The following TCF12 variants were observed in gnomAD, a reference collection of about 807,000 sequenced individuals.
TCF12 encodes transcription factor 12.
TCF12 carries 45 observed loss-of-function variants against 86.0 expected under a neutral mutation model. The ratio of observed to expected loss-of-function variants is 0.52; its 90% CI spans 0.41 to 0.67. The LOEUF (loss-of-function observed/expected upper bound fraction) is 0.67, where lower values mean the gene tolerates loss of function less well. Ranked by LOEUF, TCF12 falls within the 30% of genes least tolerant of loss-of-function variation. The probability of loss-of-function intolerance (pLI) is 0.00; values close to 1 mark genes in which losing one functional copy is unlikely to be tolerated. For synonymous variants in TCF12, 330 were observed against 299.6 expected (o/e 1.10, Z -1.05); for missense variants, 881 against 859.9 (o/e 1.02, Z -0.31).
chr15:57,170,881 A>G (rs1459764479), intron 6 of TCF12, among the ~76,000 whole-genome samples: 2 of 134,670 alleles, frequency 1.5e-5, no homozygotes, highest in African/African-American at 3.0e-5. Flanking sequence ...GGCTCAAGCA[A>G]TTTTCCTGCC....
Position 57,192,267 on chromosome 15 carries a change from G to C in TCF12, c.500G>C (p.Arg167Thr), listed in dbSNP as rs1451972234. The C allele has an allele frequency of 6.2e-7, 1 of 1,613,990 alleles. No individual in the cohort carries two copies. Among genetic ancestry groups the C allele is most frequent in the South Asian group, 1.1e-5 (1 of 91,074 alleles). Reference sequence around the variant, plus strand: ...TTCTCTGCTACAAGTTCCAGGAGGAGACCACTCCATGACTCTGCAGCGCTT... The same window carrying C: ...TTCTCTGCTACAAGTTCCAGGAGGACACCACTCCATGACTCTGCAGCGCTT... ...YSFSATSSRR[R>T]PLHDSAALDP... is the part of the protein sequence containing the mutation. The change falls in exon 7 of 21, where the codon AGA becomes ACA. Residue 167 changes from arginine to threonine, a missense_variant. Physicochemically the swap from Arg to Thr is moderately conservative, Grantham distance 71 (BLOSUM62 -1). Transcript: ENST00000333725.
chr15:57,236,909 A>G (rs1250495519), intron 12 of TCF12, among the ~76,000 whole-genome samples: 1 of 152,070 alleles, frequency 6.6e-6, no homozygotes. Flanking sequence ...GCCATTTCTA[A>G]TGTGTTTCCC....
At chr15:57,111,242 C>G (rs1206299002) in intron 5 of TCF12, among the ~76,000 whole-genome samples, 1 of 152,000 alleles carries the variant, frequency 6.6e-6, no homozygotes, top group Non-Finnish European at 1.5e-5. Flanking sequence ...ATGGAGTGTC[C>G]AGATCCCAGT....
intron 5 of TCF12, among the ~76,000 whole-genome samples, chr15:57,140,704 T>A (rs1489731479): frequency 6.6e-6 from 1 of 152,216 alleles, no homozygotes; most frequent in Non-Finnish European, 1.5e-5. Context: ...TAAATTCAAA[T>A]TCTATGAGAT....
intron 5 of TCF12, among the ~76,000 whole-genome samples, chr15:57,135,767 T>C (rs72731947): frequency 0.017 from 2,625 of 152,310 alleles, 42 homozygotes; most frequent in Non-Finnish European, 0.028. Flanking sequence ...TATGTATCCC[T>C]GTGAAAGTTA....
rs189351163 is a variant in TCF12 at position 56,928,912 on chromosome 15, C to T, written c.148+7814C>T. On this transcript the variant is annotated intron_variant, in intron 3 of 20. Coordinates refer to ENST00000333725, the MANE Select transcript of TCF12 (RefSeq NM_207037.2). ...AATGTTAAGAGTCTCTAGGGTAGAA[C>T]GTATTCACTTTTTTTCTTAATGGCA... Among the ~76,000 whole-genome samples, 79 of 152,220 alleles carry T rather than the reference C, an allele frequency of 5.2e-4. 1 individual carries two copies. In the East Asian group the frequency reaches 0.01, roughly 19 times the overall value.
At chr15:57,095,563 A>G (rs1447967432) in intron 5 of TCF12, among the ~76,000 whole-genome samples, 1 of 152,164 alleles carries the variant, frequency 6.6e-6, no homozygotes, top group Non-Finnish European at 1.5e-5. Flanking sequence ...GATAAATGGG[A>G]GACTTAAGGT....
chr15:57,007,799 TTTCTTTC>T (rs2064507789), intron 3 of TCF12, among the ~76,000 whole-genome samples: 1 of 137,874 alleles, frequency 7.3e-6, no homozygotes, highest in Admixed American at 7.2e-5. Context: ...TCTCTCTTTC[TTTCTTTC>T]TTTCTTTCTT....
At chr15:57,143,608 C>T (rs1361164473) in intron 5 of TCF12, among the ~76,000 whole-genome samples, 2 of 152,084 alleles carry the variant, frequency 1.3e-5, no homozygotes, top group African/African-American at 4.8e-5. Context: ...TGTAGGTTTT[C>T]TGACTGGGGC....
intron 5 of TCF12, among the ~76,000 whole-genome samples, chr15:57,127,284 G>A (rs188364334): frequency 2.0e-5 from 3 of 151,966 alleles, no homozygotes; most frequent in Admixed American, 1.3e-4. Flanking sequence ...TGCCTGGCCC[G>A]CTTGTACTCT....
At chr15:56,986,494 G>C (rs1373820133) in intron 3 of TCF12, among the ~76,000 whole-genome samples, 1 of 152,168 alleles carries the variant, frequency 6.6e-6, no homozygotes, top group Non-Finnish European at 1.5e-5. Flanking sequence ...GTAGCTGACT[G>C]TGTAAAAATC....
chr15:56,925,092 A>T (rs967435526), intron 3 of TCF12, among the ~76,000 whole-genome samples: 2 of 152,186 alleles, frequency 1.3e-5, no homozygotes, highest in South Asian at 2.1e-4. Flanking sequence ...CCAGCTACTC[A>T]GGAGGCTGGG....
chr15:57,092,009 G>A (rs1448426983), intron 5 of TCF12, 118 bp downstream of exon 5: 9 of 709,682 alleles, frequency 1.3e-5, no homozygotes, highest in African/African-American at 1.8e-5. Context: ...TGAGTTTCTA[G>A]GGGCATCTAG....
chr15:57,115,406 T>C (rs928948148), intron 5 of TCF12, among the ~76,000 whole-genome samples: 2 of 152,206 alleles, frequency 1.3e-5, no homozygotes, highest in Non-Finnish European at 2.9e-5. Flanking sequence ...TTTGATGAAA[T>C]TGGCAGTGAC....
intron 18 of TCF12, among the ~76,000 whole-genome samples, chr15:57,271,806 A>C (rs1190458580): frequency 6.6e-6 from 1 of 152,214 alleles, no homozygotes; most frequent in East Asian, 1.9e-4. Context: ...TACACATGTA[A>C]TAATAAAATT....
chr15:57,175,838 G>A (rs1388300588), intron 6 of TCF12, among the ~76,000 whole-genome samples: 2 of 152,138 alleles, frequency 1.3e-5, no homozygotes, highest in African/African-American at 4.8e-5. Context: ...TAAAAAGTTG[G>A]ACAATAGGTA....
chr15:57,282,477 A>G lies in TCF12; in HGVS notation c.2011A>G (p.Lys671Glu). 1 of 1,614,238 alleles carries G rather than the reference A, an allele frequency of 6.2e-7. No homozygotes were observed. The highest frequency in any genetic ancestry group is 8.5e-7 in the Non-Finnish European group (1 of 1,180,048). Reference sequence around the variant, plus strand: ...CCTTAACCCCAAAGCAGCCTGCCTTAAGAGAAGGGAAGAAGAAAAAGTTTC... The same window carrying G: ...CCTTAACCCCAAAGCAGCCTGCCTTGAGAGAAGGGAAGAAGAAAAAGTTTC... ...RNLNPKAACL[K>E]RREEEKVSAV... The change falls in exon 20 of 21, where the codon AAG becomes GAG. Residue 671 changes from lysine (K) to glutamate (E), a missense_variant. Lys to Glu is a moderately conservative substitution (Grantham distance 56). Around this residue, in one of 3 missense-constraint regions of TCF12, gnomAD observed 69 missense variants for 64.2 expected, o/e 1.07. Transcript: ENST00000333725.
In TCF12 at chr15:57,197,957, A is replaced by C. The variant is rs538501430; in HGVS notation, c.579+132A>C. On this transcript the variant is annotated intron_variant, in intron 8 of 20. Coordinates refer to ENST00000333725, the MANE Select transcript of TCF12 (RefSeq NM_207037.2). The stretch of plus-strand genomic sequence containing the variant: ...ACATAGTAATTGTTCAGTGCTTAAC[A>C]AAATCATTGATTGAGGTAAATCCAC... The C allele has an allele frequency of 8.0e-5, 67 of 839,622 alleles. No individual in the cohort carries two copies. The African/African-American group carries it at 1.0e-3, about 13-fold the overall frequency. 52.0% of individuals were successfully genotyped at this position (839,622 alleles called of 1,614,324 possible).
intron 3 of TCF12, among the ~76,000 whole-genome samples, chr15:57,041,811 A>G (rs559404269): frequency 2.6e-5 from 4 of 152,224 alleles, no homozygotes; most frequent in Non-Finnish European, 5.9e-5. Context: ...CTTAGTTTGT[A>G]TGAAGAATGC....
Sources: allele counts gnomAD v4.1 joint callset (sites outside exome capture counted in the v4.1 genomes callset), GRCh38; gene constraint gnomAD v4.1.1; regional missense constraint gnomAD v4.1.1; transcripts MANE v1.5; gene names NCBI Gene and HGNC (gene_info 2026-07-23, HGNC 2026-07-21).